Variants in BTNL8 observed in about 807,000 individuals in gnomAD.
The protein encoded by BTNL8 is butyrophilin like 8.
BTNL8 carries 22 observed loss-of-function variants against 36.1 expected under a neutral mutation model. The observed-to-expected ratio is 0.61, with a 90% confidence interval of 0.44 to 0.87. The LOEUF is 0.87. Ranked by LOEUF, BTNL8 falls within the 40% of genes least tolerant of loss-of-function variation. BTNL8 has a pLI of 0.00. For missense variants in BTNL8, 526 were observed against 616.9 expected (o/e 0.85, Z 1.56); for synonymous variants, 203 against 235.6 (o/e 0.86, Z 1.27).
intron 5 of BTNL8, 162 bp downstream of exon 5, chr5:180,948,537 TTACCCCTC>T (rs1460440058): frequency 6.3e-7 from 1 of 1,596,534 alleles, no homozygotes; most frequent in Admixed American, 1.7e-5. Context: ...TGCTCATGAG[TTACCCCTC>T]GGACATCTGG....
In BTNL8 at chr5:180,935,271, C is replaced by T. The variant is rs571309250; in HGVS notation, c.674-12241C>T. On this transcript the variant is annotated intron_variant, in intron 3 of 7. Transcript: ENST00000340184. The surrounding 1 kb of genome is among the most constrained non-coding windows in gnomAD (Gnocchi z 4.8). ...GGCTTGAAGGTAGTTAGGGACCTGC[C>T]CCTTTCCACCCAGGAACCTGTTTCC... 2.9e-4 allele frequency among the ~76,000 whole-genome samples: 44 copies of T among 152,290 alleles called. No individual in the cohort carries two copies. The highest frequency in any genetic ancestry group is 3.4e-3 in the Middle Eastern group (1 of 294).
chr5:180,920,976 GA>G (rs1456710281), intron 3 of BTNL8, among the ~76,000 whole-genome samples: 1 of 151,852 alleles, frequency 6.6e-6, no homozygotes, highest in African/African-American at 2.4e-5. Context: ...AATATAAATT[GA>G]TACAGCCACT....
Position 180,947,525 on chromosome 5 carries a change from G to T in BTNL8, c.687G>T (p.Glu229Asp). 6.2e-7 allele frequency: 1 copy of T among 1,613,606 alleles called. No homozygotes were observed. The highest frequency in any genetic ancestry group is 8.5e-7 in the Non-Finnish European group (1 of 1,179,572). Reference sequence around the variant, plus strand: ...ATTGTTTTTCAGATACCTTTTTCGAGCCTATATCGTGGCACCTGGCTACCA... The same window carrying T: ...ATTGTTTTTCAGATACCTTTTTCGATCCTATATCGTGGCACCTGGCTACCA... ...SRVQIGDTFF[E>D]PISWHLATKV... is the part of the protein sequence containing the mutation. Residue 229 changes from glutamate to aspartate, a missense_variant, in exon 4 of 8, where the codon GAG becomes GAT. Coordinates refer to ENST00000340184, the MANE Select transcript of BTNL8 (RefSeq NM_001040462.3).
Position 180,949,778 on chromosome 5 carries a change from G to T in BTNL8, c.863-126G>T. 5.1e-6 allele frequency: 6 copies of T among 1,185,100 alleles called. No individual in the cohort carries two copies. The South Asian group carries it at 8.2e-5, about 16-fold the overall frequency. 73.4% of individuals were successfully genotyped at this position (1,185,100 alleles called of 1,614,324 possible). ...GACCTGAAAGGCAGTGTCTGCGGGA[G>T]GCTCAGGTCCGGGGCCTCACCTATG... On this transcript the variant is annotated intron_variant, in intron 7 of 7. Transcript: ENST00000340184.
At chr5:180,941,034 T>C (rs1758909362) in intron 3 of BTNL8, among the ~76,000 whole-genome samples, 1 of 145,838 alleles carries the variant, frequency 6.9e-6, no homozygotes, top group South Asian at 2.1e-4. Flanking sequence ...GAGGCTGCAG[T>C]GAGCCGAGAT....
In BTNL8 at chr5:180,908,730, A is replaced by C. The variant is rs1312880024; in HGVS notation, c.194A>C (p.His65Pro). 2 of 1,614,028 alleles carry C rather than the reference A, an allele frequency of 1.2e-6. No individual in the cohort carries two copies. Among genetic ancestry groups the C allele is most frequent in the East Asian group, 2.2e-5 (1 of 44,886 alleles). Residue 65 changes from histidine (H) to proline (P), a missense_variant, in exon 2 of 8, where the codon CAC becomes CCC. Physicochemically the swap from His to Pro is moderately conservative, Grantham distance 77. Around this residue, in one of 2 missense-constraint regions of BTNL8, gnomAD observed 350 missense variants for 324.6 expected, o/e 1.08. Transcript: ENST00000340184. ...AGGGGCCAGTTCTCTAGCGTGGTCC[A>C]CCTCTACAGGGACGGGAAGGACCAG... ...FFRGQFSSVV[H>P]LYRDGKDQPF...
chr5:180,915,444 G>A (rs1461507386), intron 3 of BTNL8, among the ~76,000 whole-genome samples: 1 of 152,242 alleles, frequency 6.6e-6, no homozygotes, highest in Non-Finnish European at 1.5e-5. Context: ...AAGGCTCTCA[G>A]CAGCCAGCCT....
chr5:180,906,506 C>A (rs1400505931), intron 1 of BTNL8, among the ~76,000 whole-genome samples: 1 of 124,626 alleles, frequency 8.0e-6, no homozygotes, highest in African/African-American at 3.9e-5. Context: ...TTAATTGGAG[C>A]ATTTAGTCCA....
chr5:180,902,187 G>GT (rs34352831), intron 1 of BTNL8, among the ~76,000 whole-genome samples: 6 of 150,696 alleles, frequency 4.0e-5, no homozygotes, highest in African/African-American at 4.9e-5. Flanking sequence ...GGATGTTTGG[G>GT]TTTTTTTTTT....
chr5:180,937,939 A>G (rs1375654153), intron 3 of BTNL8, among the ~76,000 whole-genome samples: 1 of 5,002 alleles, frequency 2.0e-4, no homozygotes, highest in Non-Finnish European at 5.3e-4. Context: ...CCCTTTCCCC[A>G]TTTAAAAAAA....
chr5:180,912,190 C>T (rs112349984), intron 3 of BTNL8, among the ~76,000 whole-genome samples: 7 of 152,218 alleles, frequency 4.6e-5, no homozygotes, highest in African/African-American at 9.6e-5. Flanking sequence ...CTTGAGCCTG[C>T]GGACTTTTGG....
At chr5:180,928,527 A>G (rs140879348) in intron 3 of BTNL8, among the ~76,000 whole-genome samples, 31,250 of 152,196 alleles carry the variant, frequency 0.21, 5,801 homozygotes, top group African/African-American at 0.5. Context: ...GGCAAATTTG[A>G]TAACGGGTCA....
intron 3 of BTNL8, among the ~76,000 whole-genome samples, chr5:180,914,609 T>G (rs4700770): frequency 0.2 from 31,031 of 152,160 alleles, 3,810 homozygotes; most frequent in Non-Finnish European, 0.27. Context: ...GTCATAATGA[T>G]AATTAAAAGT....
At chr5:180,949,554 G>A in intron 7 of BTNL8, 1 of 545,662 alleles carries the variant, frequency 1.8e-6, no homozygotes, top group Non-Finnish European at 3.2e-6. Context: ...GGTCTGAGCT[G>A]AGGGGAAGGA....
rs151174174 is a variant in BTNL8 at position 180,949,937 on chromosome 5, C to T, written c.896C>T (p.Pro299Leu). ...ACTCTGGATCCAGAGACGGCTCACC[C>T]GAAGCTCTGCGTTTCTGATCTGAAA... ...EVTLDPETAH[P>L]KLCVSDLKTV... The change falls in exon 8 of 8, where the codon CCG becomes CTG. Residue 299 changes from proline (P) to leucine (L), a missense_variant. By Grantham distance (98) the Pro-to-Leu change is moderately conservative. Around this residue, in one of 2 missense-constraint regions of BTNL8, gnomAD observed 176 missense variants for 292.3 expected, o/e 0.60. Coordinates refer to ENST00000340184, the MANE Select transcript of BTNL8 (RefSeq NM_001040462.3). 28,189 of 1,460,062 alleles carry T rather than the reference C, an allele frequency of 0.019. 6,706 individuals carry two copies. Among genetic ancestry groups the T allele is most frequent in the Non-Finnish European group, 0.023 (24,567 of 1,057,840 alleles). 90.4% of individuals were successfully genotyped at this position (1,460,062 alleles called of 1,614,324 possible). A position where few individuals can be genotyped will look rare whatever the true frequency, so the allele number is the denominator to read the frequency against.
intron 1 of BTNL8, among the ~76,000 whole-genome samples, chr5:180,905,123 CT>C (rs991139827): frequency 6.0e-5 from 9 of 150,980 alleles, no homozygotes; most frequent in Non-Finnish European, 8.8e-5. Flanking sequence ...CCTTGTACCT[CT>C]GGTAGAATTC....
chr5:180,914,604 A>T (rs1757542122), intron 3 of BTNL8, among the ~76,000 whole-genome samples: 1 of 152,224 alleles, frequency 6.6e-6, no homozygotes, highest in Non-Finnish European at 1.5e-5. Flanking sequence ...AAAAAGTCAT[A>T]ATGATAATTA....
chr5:180,912,913 G>A (rs4279303), intron 3 of BTNL8, among the ~76,000 whole-genome samples: 221 of 152,084 alleles, frequency 1.5e-3, no homozygotes, highest in Non-Finnish European at 2.5e-3. Context: ...AAATATGAGC[G>A]GAGGAATTTG....
At chr5:180,947,302 T>C (rs544976381) in intron 3 of BTNL8, among the ~76,000 whole-genome samples, 3 of 152,342 alleles carry the variant, frequency 2.0e-5, no homozygotes, top group East Asian at 3.9e-4. Context: ...ATTCAATAAA[T>C]GTTGGCACAG....
Sources: gnomAD v4.1 joint callset for allele counts (sites outside exome capture counted in the v4.1 genomes callset) on GRCh38, gnomAD v4.1.1 for gene constraint, gnomAD v4.1.1 regional missense constraint, Gnocchi (gnomAD v3.1) non-coding constraint, MANE v1.5 for transcripts, NCBI Gene and HGNC (gene_info 2026-07-23, HGNC 2026-07-21) for gene names.